The following UNC79 variants were observed in gnomAD, a reference collection of about 807,000 sequenced individuals.
The protein encoded by UNC79 is protein unc-79 homolog.
A neutral mutation model predicts 283.1 loss-of-function variants in UNC79; 37 were observed. The ratio of observed to expected loss-of-function variants is 0.13; its 90% CI spans 0.10 to 0.17. The LOEUF is 0.17. Among genes scored for constraint, UNC79 ranks in the 10% least tolerant of loss-of-function variants. UNC79 has a pLI of 1.00. For synonymous variants in UNC79, 1,107 were observed against 1,200.2 expected, an observed-to-expected ratio of 0.92 and a Z score of 1.61; for missense variants, 2,272 against 3,211.1, an observed-to-expected ratio of 0.71 and a Z score of 7.07.
chr14:93,606,952 A>AT (rs2065929140), intron 26 of UNC79, among the ~76,000 whole-genome samples: 1 of 152,200 alleles, frequency 6.6e-6, no homozygotes, highest in Admixed American at 6.5e-5. Context: ...TCACAAAAGA[A>AT]CAAGCTTGTT....
intron 1 of UNC79, chr14:93,335,017 A>G (rs1408385965): frequency 6.6e-6 from 1 of 152,208 alleles, no homozygotes; most frequent in Non-Finnish European, 1.5e-5. Context: ...CCTAGCCACA[A>G]TTTAAAAAAC....
intron 13 of UNC79, among the ~76,000 whole-genome samples, chr14:93,541,664 C>T (rs546778162): frequency 5.3e-5 from 8 of 152,068 alleles, no homozygotes; most frequent in Non-Finnish European, 7.4e-5. Context: ...TGCCATAGTA[C>T]TCAATAGAAG....
chr14:93,597,638 A>C, intron 24 of UNC79, 98 bp downstream of exon 24: 1 of 1,269,334 alleles, frequency 7.9e-7, no homozygotes, highest in Non-Finnish European at 1.1e-6. Flanking sequence ...TTGACCTGCT[A>C]TAACAGAATA....
chr14:93,695,051 A>G (rs1165691005), intron 47 of UNC79, among the ~76,000 whole-genome samples: 4 of 152,200 alleles, frequency 2.6e-5, no homozygotes, highest in Non-Finnish European at 5.9e-5. Flanking sequence ...AGTGTGATAC[A>G]AAAACGAAAC....
At chr14:93,691,298 C>CA (rs1455602239) in intron 45 of UNC79, 1 of 184,692 alleles carries the variant, frequency 5.4e-6, no homozygotes, top group Non-Finnish European at 1.2e-5. Flanking sequence ...GGAGGATCTC[C>CA]GCTGCTGCTG....
At chr14:93,519,572 TG>T (rs2060226983) in intron 7 of UNC79, among the ~76,000 whole-genome samples, 1 of 151,854 alleles carries the variant, frequency 6.6e-6, no homozygotes, top group African/African-American at 2.4e-5. Flanking sequence ...ATGATACACT[TG>T]TATGACTGAA....
intron 3 of UNC79, among the ~76,000 whole-genome samples, chr14:93,477,028 C>A (rs1239030153): frequency 6.6e-6 from 1 of 152,144 alleles, no homozygotes; most frequent in Admixed American, 6.5e-5. Flanking sequence ...CACTTCCTCC[C>A]ATGATCATTG....
intron 32 of UNC79, 22 bp from the exon 36 acceptor site, chr14:93,641,123 T>A: frequency 6.2e-7 from 1 of 1,607,866 alleles, no homozygotes; most frequent in Admixed American, 1.7e-5. Context: ...ATTCACTGGT[T>A]GTCCCTTTGC....
chr14:93,558,593 ATTTTTTTTTTTTTTTTTTTTTTTT>A (rs71129647), intron 14 of UNC79, among the ~76,000 whole-genome samples: 1,054 of 62,818 alleles, frequency 0.017, 31 homozygotes, highest in African/African-American at 0.073. Context: ...AGAAACAGGG[ATTTTTTTTTTTTTTTTTTTTTTTT>A]TTTTTTTTTT....
chr14:93,387,574 T>C (rs1268415207), intron 1 of UNC79, among the ~76,000 whole-genome samples: 1 of 152,206 alleles, frequency 6.6e-6, no homozygotes, highest in East Asian at 1.9e-4. Context: ...TATTCATTTG[T>C]AGTTTTATTT....
chr14:93,347,597 G>C (rs1052097245), intron 1 of UNC79, among the ~76,000 whole-genome samples: 42 of 152,074 alleles, frequency 2.8e-4, no homozygotes, highest in Admixed American at 3.3e-4. Context: ...GGATGCCGTC[G>C]TCGGGCACAG....
intron 1 of UNC79, among the ~76,000 whole-genome samples, chr14:93,459,311 G>A (rs930779938): frequency 6.6e-6 from 1 of 152,070 alleles, no homozygotes; most frequent in African/African-American, 2.4e-5. Context: ...GGGTGAAAGG[G>A]GTCTGATTTT....
chr14:93,391,484 A>G (rs1359558297), intron 1 of UNC79, among the ~76,000 whole-genome samples: 1 of 152,238 alleles, frequency 6.6e-6, no homozygotes, highest in Non-Finnish European at 1.5e-5. Context: ...CAAATTTGAC[A>G]ATAAAATTAA....
intron 43 of UNC79, among the ~76,000 whole-genome samples, chr14:93,687,109 G>A (rs996790471): frequency 3.3e-5 from 5 of 152,140 alleles, no homozygotes; most frequent in South Asian, 2.1e-4. Context: ...TTTGAAGAAC[G>A]AATCTAATCA....
chr14:93,640,036 ATTAC>A (rs1245283172), intron 32 of UNC79, among the ~76,000 whole-genome samples: 1 of 152,166 alleles, frequency 6.6e-6, no homozygotes, highest in Non-Finnish European at 1.5e-5. Context: ...CGTTTTAGTT[ATTAC>A]TTTGTAGAAC....
At chr14:93,673,330 C>T in intron 40 of UNC79, 21 bp from the exon 44 acceptor site, 18 of 1,602,630 alleles carry the variant, frequency 1.1e-5, no homozygotes, top group Non-Finnish European at 1.5e-5. Flanking sequence ...CACTTACCTC[C>T]TTCTGTTTTG....
intron 20 of UNC79, 145 bp downstream of exon 20, chr14:93,582,489 G>A (rs11621086): frequency 0.031 from 38,555 of 1,231,374 alleles, 1,338 homozygotes; most frequent in African/African-American, 0.15. Context: ...ATCTCCCAGC[G>A]GATTATAAAA....
chr14:93,551,488 C>T (rs1159055584), intron 14 of UNC79, among the ~76,000 whole-genome samples: 1 of 152,078 alleles, frequency 6.6e-6, no homozygotes, highest in Non-Finnish European at 1.5e-5. Context: ...TTATGGGTCA[C>T]CTGCTGGTCT....
intron 1 of UNC79, among the ~76,000 whole-genome samples, chr14:93,335,635 A>T (rs1027266459): frequency 1.3e-5 from 2 of 152,162 alleles, no homozygotes; most frequent in Non-Finnish European, 2.9e-5. Context: ...GTTTCTTCTT[A>T]CTCTATTTCT....
Sources: gnomAD v4.1 joint callset for allele counts (sites outside exome capture counted in the v4.1 genomes callset) on GRCh38, gnomAD v4.1.1 for gene constraint, MANE v1.5 for transcripts, NCBI Gene and HGNC (gene_info 2026-07-23, HGNC 2026-07-21) for gene names.